Variants in BBS4 observed in about 807,000 individuals in gnomAD.
BBS4 encodes the protein Bardet-Biedl syndrome 4, also known as BBSome complex member BBS4.
Under a neutral mutation model 71.4 loss-of-function variants are expected in BBS4, and 58 were observed. The observed-to-expected ratio is 0.81, with a 90% CI of 0.66 to 1.01. BBS4 has a LOEUF of 1.01. Ranked by LOEUF, BBS4 falls within the 50% of genes least tolerant of loss-of-function variation. The probability of loss-of-function intolerance (pLI) is 0.00; values close to 1 mark genes in which losing one functional copy is unlikely to be tolerated. For synonymous variants in BBS4, 228 were observed against 216.8 expected, an observed-to-expected ratio of 1.05 and a Z score of -0.46; for missense variants, 660 against 607.9, an observed-to-expected ratio of 1.09 and a Z score of -0.90.
chr15:72,715,020 G>A (rs963386800), intron 4 of BBS4, among the ~76,000 whole-genome samples: 3 of 152,200 alleles, frequency 2.0e-5, no homozygotes, highest in African/African-American at 7.2e-5. Context: ...ATTTGCAAAG[G>A]AACTGATTAT....
At position 72,737,915 on chromosome 15, in the gene BBS4, C is replaced by G; in HGVS notation, c.*328C>G. On this transcript the variant is annotated 3_prime_UTR_variant, in exon 16 of 16. Coordinates refer to ENST00000268057, the MANE Select transcript of BBS4 (RefSeq NM_033028.5). ...TCTGCTTTCAAAAGGACTTTTCTCT[C>G]CTAGCTGACTGACTCCTTCCTTAGT... 2.2e-6 allele frequency: 1 copy of G among 458,254 alleles called. No individual in the cohort carries two copies. 28.4% of individuals were successfully genotyped at this position (458,254 alleles called of 1,614,324 possible).
At chr15:72,702,830 C>T (rs1411715602) in intron 2 of BBS4, among the ~76,000 whole-genome samples, 16 of 18,898 alleles carry the variant, frequency 8.5e-4, no homozygotes, top group East Asian at 4.1e-3. Context: ...TTTTTTGAGA[C>T]GGAGTCTCGC....
intron 8 of BBS4, among the ~76,000 whole-genome samples, chr15:72,726,904 A>T (rs2065712922): frequency 6.6e-6 from 1 of 152,214 alleles, no homozygotes; most frequent in Non-Finnish European, 1.5e-5. Context: ...TAAGGGAGAA[A>T]TGTGGACAGC....
chr15:72,715,734 T>A (rs560351890), intron 5 of BBS4, among the ~76,000 whole-genome samples: 1 of 152,346 alleles, frequency 6.6e-6, no homozygotes, highest in Non-Finnish European at 1.5e-5. Flanking sequence ...CATCTACTCT[T>A]CTAACACTTA....
chr15:72,735,634 C>G, intron 13 of BBS4, 191 bp from the exon 14 acceptor site: 1 of 742,324 alleles, frequency 1.3e-6, no homozygotes, highest in Non-Finnish European at 2.3e-6. Context: ...CCAATACCAG[C>G]TTTGCTTGTT....
At chr15:72,729,569 G>C in intron 9 of BBS4, 47 bp from the exon 10 acceptor site, 1 of 1,582,432 alleles carries the variant, frequency 6.3e-7, no homozygotes, top group Admixed American at 1.7e-5. Context: ...TCTTTTAACT[G>C]CCGTCTCCTT....
chr15:72,686,682 T>C (rs1217669743), intron 1 of BBS4: 5 of 805,812 alleles, frequency 6.2e-6, no homozygotes, highest in East Asian at 6.1e-5. Flanking sequence ...GTGTTTTTTC[T>C]GTGGTGATTA....
chr15:72,722,687 G>A (rs1215655499), intron 6 of BBS4, 107 bp from the exon 7 acceptor site: 2 of 1,024,232 alleles, frequency 2.0e-6, no homozygotes, highest in African/African-American at 1.6e-5. Flanking sequence ...ATAGTTTAAA[G>A]TTTAAACCTT....
intron 1 of BBS4, among the ~76,000 whole-genome samples, chr15:72,689,578 C>G (rs1188035815): frequency 6.6e-6 from 1 of 151,984 alleles, no homozygotes; most frequent in Non-Finnish European, 1.5e-5. Flanking sequence ...ACAAAAAACA[C>G]AAAAATTAGC....
chr15:72,695,327 A>C (rs1595907193), intron 2 of BBS4, 99 bp downstream of exon 2: 1 of 832,760 alleles, frequency 1.2e-6, no homozygotes, highest in Non-Finnish European at 1.9e-6. Context: ...TCTCACTGTC[A>C]CCCAGGCTGG....
chr15:72,737,719 G>C lies in BBS4; in HGVS notation c.*132G>C, dbSNP rs1434816519. The C allele has an allele frequency of 3.8e-6, 3 of 786,964 alleles. No homozygotes were observed. The highest frequency in any genetic ancestry group is 6.4e-6 in the Non-Finnish European group (3 of 471,618). 48.7% of individuals were successfully genotyped at this position (786,964 alleles called of 1,614,324 possible). On this transcript the variant is annotated 3_prime_UTR_variant, in exon 16 of 16. Coordinates refer to ENST00000268057, the MANE Select transcript of BBS4 (RefSeq NM_033028.5). ...CAGTGTGTGTTATTACGAGGAGCCA[G>C]CAGTTGAGCCTAAGGTCCTTCTACC... is the stretch of plus-strand genomic sequence containing the variant.
rs1398492973 is a variant in BBS4 at position 72,731,638 on chromosome 15, C to A, written c.948C>A (p.Thr316=). The A allele has an allele frequency of 1.2e-6, 2 of 1,614,080 alleles. No homozygotes were observed. The highest frequency in any genetic ancestry group is 1.3e-5 in the African/African-American group (1 of 74,932). Residue 316 remains threonine, a synonymous_variant, in exon 12 of 16, where the codon ACC becomes ACA. Transcript: ENST00000268057. ...ATAATTTGGGCCTTGTCCATTTGACCATGCAGCAGTATGCATCAGCTTTTC... is the reference window on the plus strand; with the variant it reads ...ATAATTTGGGCCTTGTCCATTTGACAATGCAGCAGTATGCATCAGCTTTTC... The part of the protein sequence containing the change: ...ILYNLGLVHL[T]MQQYASAFHF...
chr15:72,688,920 A>G (rs1216112906), intron 1 of BBS4, among the ~76,000 whole-genome samples: 1 of 152,178 alleles, frequency 6.6e-6, no homozygotes, highest in Non-Finnish European at 1.5e-5. Flanking sequence ...ATTAAAAAGA[A>G]TGTTACAACT....
chr15:72,731,360 T>C lies in BBS4; in HGVS notation c.767T>C (p.Leu256Pro). 1 of 1,614,176 alleles carries C rather than the reference T, an allele frequency of 6.2e-7. No individual in the cohort carries two copies. The highest frequency in any genetic ancestry group is 1.1e-5 in the South Asian group (1 of 91,080). Residue 256 changes from leucine (L) to proline (P), a missense_variant, in exon 11 of 16, where the codon CTC (leucine) becomes CCC (proline). Transcript: ENST00000268057. ...ACCCACGGGGACTTTGATGTTGCCC[T>C]CACCAAATACAGAGTTGTGGCTTGT... ...MQTHGDFDVA[L>P]TKYRVVACAV...
chr15:72,729,149 T>C (rs562939344), intron 9 of BBS4, among the ~76,000 whole-genome samples: 1 of 144,750 alleles, frequency 6.9e-6, no homozygotes, highest in South Asian at 2.2e-4. Context: ...TATTATCTGG[T>C]AACTGTAGCT....
In BBS4 at chr15:72,728,009, G is replaced by GTACTC; in HGVS notation, c.642+16_642+20dup. The GTACTC allele has an allele frequency of 6.3e-7, 1 of 1,596,824 alleles. No homozygotes were observed. The highest frequency in any genetic ancestry group is 8.6e-7 in the Non-Finnish European group (1 of 1,164,272). On this transcript the variant is annotated intron_variant, in intron 9 of 15. Transcript: ENST00000268057. ...TCTACTTACAGGTAATGAAAACTCT[G>GTACTC]TACTCATTCATGCACTGATGTTAGA... is the stretch of plus-strand genomic sequence containing the variant.
At chr15:72,722,006 G>T (rs945041204) in intron 6 of BBS4, among the ~76,000 whole-genome samples, 1 of 152,148 alleles carries the variant, frequency 6.6e-6, no homozygotes, top group African/African-American at 2.4e-5. Flanking sequence ...TCAAAGGTTG[G>T]CAAACTTTTT....
intron 9 of BBS4, 118 bp from the exon 10 acceptor site, chr15:72,729,498 C>T (rs1233259031): frequency 4.6e-5 from 42 of 904,452 alleles, no homozygotes; most frequent in Non-Finnish European, 7.2e-5. Context: ...GATCCACCCA[C>T]CTTAGCCTCC....
rs1567427427 is a variant in BBS4, at chr15:72,729,509, C to T, written c.643-107C>T. On this transcript the variant is annotated intron_variant, in intron 9 of 15. Transcript: ENST00000268057. ...AGGTGATCCACCCACCTTAGCCTCC[C>T]AAAGTGCTGGGATTATAGGCATTAG... 60 of 1,043,538 alleles carry T rather than the reference C, an allele frequency of 5.7e-5. No individual in the cohort carries two copies. In the South Asian group the frequency reaches 7.5e-4, roughly 13 times the overall value. 64.6% of individuals were successfully genotyped at this position (1,043,538 alleles called of 1,614,324 possible).
Sources: allele counts gnomAD v4.1 joint callset (sites outside exome capture counted in the v4.1 genomes callset), GRCh38; gene constraint gnomAD v4.1.1; transcripts MANE v1.5; gene names NCBI Gene and HGNC (gene_info 2026-07-23, HGNC 2026-07-21).